The following MYO5A variants were observed in gnomAD, a reference collection of about 807,000 sequenced individuals.
MYO5A encodes unconventional myosin-Va.
Under a neutral mutation model 249.7 loss-of-function variants are expected in MYO5A, and 98 were observed. The ratio of observed to expected loss-of-function variants is 0.39; its 90% CI spans 0.33 to 0.46. The LOEUF is 0.46. MYO5A is among the 20% of genes least tolerant of loss of function. The pLI, the probability that MYO5A is intolerant of heterozygous loss-of-function variation, is 0.98. For synonymous variants in MYO5A, 778 were observed against 810.6 expected, an observed-to-expected ratio of 0.96 and a Z score of 0.68; for missense variants, 1,696 against 2,308.8, an observed-to-expected ratio of 0.73 and a Z score of 5.44.
chr15:52,459,477 G>A (rs949627149), intron 1 of MYO5A, among the ~76,000 whole-genome samples: 1 of 152,076 alleles, frequency 6.6e-6, no homozygotes, highest in African/African-American at 2.4e-5. Context: ...AGAGAGCACG[G>A]GGTTGGCGGT....
chr15:52,356,379 T>C (rs2040219542), intron 25 of MYO5A, among the ~76,000 whole-genome samples: 1 of 152,088 alleles, frequency 6.6e-6, no homozygotes, highest in South Asian at 2.1e-4. Context: ...AAAACTACAA[T>C]TTTTTCTTAG....
At chr15:52,521,096 C>T (rs1437308856) in intron 1 of MYO5A, among the ~76,000 whole-genome samples, 1 of 151,996 alleles carries the variant, frequency 6.6e-6, no homozygotes, top group Non-Finnish European at 1.5e-5. Flanking sequence ...GGGGTGGTGG[C>T]ACATGCCTGT....
At chr15:52,411,394 T>A (rs1567100824) in intron 5 of MYO5A, among the ~76,000 whole-genome samples, 1 of 152,238 alleles carries the variant, frequency 6.6e-6, no homozygotes. Context: ...ATTTTGATAG[T>A]TAAATCTAGC....
At chr15:52,437,594 C>CA (rs57299562) in intron 1 of MYO5A, among the ~76,000 whole-genome samples, 1,938 of 73,512 alleles carry the variant, frequency 0.026, 50 homozygotes, top group African/African-American at 0.07. Flanking sequence ...GACTCCATCT[C>CA]AAAAAAAAAA....
intron 9 of MYO5A, among the ~76,000 whole-genome samples, chr15:52,400,624 T>C (rs1330415920): frequency 1.3e-5 from 2 of 152,226 alleles, no homozygotes; most frequent in African/African-American, 4.8e-5. Context: ...CCTTGACTTT[T>C]TGAAGACTCC....
At chr15:52,375,207 TC>T in intron 20 of MYO5A, 96 bp downstream of exon 20, 1 of 1,293,886 alleles carries the variant, frequency 7.7e-7, no homozygotes, top group Non-Finnish European at 1.1e-6. Context: ...CCCATACAGT[TC>T]CTACCTTCAT....
intron 1 of MYO5A, among the ~76,000 whole-genome samples, chr15:52,511,385 T>G (rs1224964318): frequency 6.6e-6 from 1 of 152,268 alleles, no homozygotes; most frequent in Non-Finnish European, 1.5e-5. Flanking sequence ...TTTCCCACAT[T>G]ACTTCTCCTG....
rs376725263 is a variant in MYO5A, at chr15:52,513,488, A to C, written c.27+15292T>G. ...TGCCCAGGCTGGAGTGCAGTGGCAC[A>C]ATCTCGGCTCACTGCAACCTCTACC... On this transcript the variant is annotated intron_variant, in intron 1 of 41. Transcript: ENST00000399233. Among the ~76,000 whole-genome samples the C allele has an allele frequency of 2.2e-3, 330 of 148,132 alleles. 4 individuals are homozygous for C. The highest frequency in any genetic ancestry group is 7.4e-3 in the African/African-American group (301 of 40,472).
At chr15:52,462,184 T>C (rs890370889) in intron 1 of MYO5A, among the ~76,000 whole-genome samples, 1 of 150,560 alleles carries the variant, frequency 6.6e-6, no homozygotes, top group Non-Finnish European at 1.5e-5. Context: ...GAGAATGGCG[T>C]GAACCCAGGA....
chr15:52,317,263 A>G (rs746561407), intron 39 of MYO5A, 41 bp from the exon 40 acceptor site: 30 of 1,599,192 alleles, frequency 1.9e-5, no homozygotes, highest in South Asian at 8.8e-5. Context: ...AATTTGCTGA[A>G]TTTTGTCAAA....
At position 52,350,018 on chromosome 15, in the gene MYO5A, C is replaced by T. The variant is rs148862363; in HGVS notation, c.3850-1192G>A. On this transcript the variant is annotated intron_variant, in intron 28 of 41. Transcript: ENST00000399233. ...CACGATCTCGGCTCACTGCAAGCTC[C>T]GCCTCCCAGGTTCACGCCATTCTCC... is the stretch of plus-strand genomic sequence containing the variant. Among the ~76,000 whole-genome samples the T allele has an allele frequency of 5.5e-3, 845 of 152,358 alleles. 10 individuals are homozygous for T. Among genetic ancestry groups the T allele is most frequent in the African/African-American group, 0.019 (807 of 41,572 alleles).
At chr15:52,517,768 A>G (rs1484654131) in intron 1 of MYO5A, among the ~76,000 whole-genome samples, 24 of 152,220 alleles carry the variant, frequency 1.6e-4, no homozygotes, top group Non-Finnish European at 1.5e-5. Flanking sequence ...ATAAATTCTC[A>G]CAATACATAT....
chr15:52,372,431 CG>C (rs1471740120), intron 20 of MYO5A, 68 bp from the exon 21 acceptor site: 12 of 1,583,148 alleles, frequency 7.6e-6, no homozygotes, highest in Non-Finnish European at 8.5e-6. Flanking sequence ...CAATCTATGT[CG>C]GGCTGAAAAT....
intron 1 of MYO5A, among the ~76,000 whole-genome samples, chr15:52,474,974 CTT>C (rs1038756298): frequency 1.3e-5 from 2 of 152,216 alleles, no homozygotes; most frequent in African/African-American, 2.4e-5. Flanking sequence ...ACCAGCTCCT[CTT>C]TGTACCTCTG....
chr15:52,460,647 C>A (rs2076229290), intron 1 of MYO5A, among the ~76,000 whole-genome samples: 1 of 151,146 alleles, frequency 6.6e-6, no homozygotes, highest in African/African-American at 2.4e-5. Context: ...AAAGGGGAGA[C>A]GAGGACCGTG....
intron 1 of MYO5A, among the ~76,000 whole-genome samples, chr15:52,479,001 CT>C (rs879377956): frequency 1.1e-3 from 155 of 146,506 alleles, no homozygotes; most frequent in Middle Eastern, 3.5e-3. Context: ...TAAATTTTAA[CT>C]TTTTTTTTTT....
chr15:52,308,612 C>G lies in MYO5A; in HGVS notation c.*5084G>C, dbSNP rs868079241. On this transcript the variant is annotated 3_prime_UTR_variant, in exon 42 of 42. Coordinates refer to ENST00000399233, the MANE Select transcript of MYO5A (RefSeq NM_001382347.1). ...ATTCTCTAAGCTGGCCTCTCACTGG[C>G]TCTGAGACTGTTGCTGCCCCACAGT... 2.0e-5 allele frequency: 3 copies of G among 152,394 alleles called. No individual in the cohort carries two copies. Among genetic ancestry groups the G allele is most frequent in the Non-Finnish European group, 4.4e-5 (3 of 68,038 alleles). 9.4% of individuals were successfully genotyped at this position (152,394 alleles called of 1,614,324 possible).
chr15:52,331,668 A>G (rs1596302408), intron 34 of MYO5A: 3 of 985,302 alleles, frequency 3.0e-6, no homozygotes, highest in East Asian at 1.1e-4. Flanking sequence ...CCAGTCCCAC[A>G]GGAAGAGGTT....
intron 1 of MYO5A, 36 bp downstream of exon 1, chr15:52,528,744 G>C: frequency 6.7e-7 from 1 of 1,500,710 alleles, no homozygotes; most frequent in Non-Finnish European, 8.8e-7. Flanking sequence ...GGGCCGCACA[G>C]CCCCAGTCCT....
Sources: gnomAD v4.1 joint callset for allele counts (sites outside exome capture counted in the v4.1 genomes callset) on GRCh38, gnomAD v4.1.1 for gene constraint, MANE v1.5 for transcripts, NCBI Gene and HGNC (gene_info 2026-07-23, HGNC 2026-07-21) for gene names.